PARD3: variants seen among roughly 807,000 people sequenced by gnomAD.
The protein encoded by PARD3 is partitioning defective 3 homolog.
Under a neutral mutation model 155.4 loss-of-function variants are expected in PARD3, and 75 were observed. The observed-to-expected ratio is 0.48, with a 90% CI of 0.40 to 0.58. The LOEUF is 0.58. PARD3 is among the 20% of genes least tolerant of loss of function. The pLI is 0.00. For missense variants in PARD3, 1,642 were observed against 1,721.7 expected (o/e 0.95, Z 0.82); for synonymous variants, 576 against 610.5 (o/e 0.94, Z 0.83).
chr10:34,359,088 A>G, intron 14 of PARD3, 59 bp downstream of exon 14: 1 of 1,391,824 alleles, frequency 7.2e-7, no homozygotes, highest in Non-Finnish European at 1.0e-6. Flanking sequence ...GCCCAAAATT[A>G]GGACAGAAAT....
intron 22 of PARD3, among the ~76,000 whole-genome samples, chr10:34,234,371 A>G (rs1588879866): frequency 1.3e-5 from 2 of 152,290 alleles, no homozygotes; most frequent in East Asian, 3.9e-4. Flanking sequence ...TCCGGAATAA[A>G]ATTTCATATT....
At chr10:34,476,305 G>GC (rs1183256722) in intron 3 of PARD3, among the ~76,000 whole-genome samples, 1 of 152,122 alleles carries the variant, frequency 6.6e-6, no homozygotes, top group African/African-American at 2.4e-5. Context: ...TAAAAACACT[G>GC]CGAGTGTGTG....
chr10:34,374,071 C>T (rs1840972336), intron 11 of PARD3, among the ~76,000 whole-genome samples: 1 of 152,220 alleles, frequency 6.6e-6, no homozygotes, highest in African/African-American at 2.4e-5. Context: ...ATTTAAAATA[C>T]CACTTGTACT....
chr10:34,588,449 A>G (rs1389635352), intron 2 of PARD3, among the ~76,000 whole-genome samples: 1 of 152,174 alleles, frequency 6.6e-6, no homozygotes, highest in Admixed American at 6.5e-5. Context: ...TGCAAATCTG[A>G]AAATTTTAAA....
chr10:34,724,329 T>G (rs1360138449), intron 1 of PARD3, among the ~76,000 whole-genome samples: 1 of 152,176 alleles, frequency 6.6e-6, no homozygotes, highest in Non-Finnish European at 1.5e-5. Context: ...TTTAAAAGCT[T>G]ATACAAGCAC....
intron 1 of PARD3, among the ~76,000 whole-genome samples, chr10:34,714,142 A>C (rs2094485577): frequency 6.6e-6 from 1 of 152,162 alleles, no homozygotes; most frequent in African/African-American, 2.4e-5. Context: ...ATGGCTCTGA[A>C]TCCTAAACAA....
At chr10:34,672,302 T>C (rs776694198) in intron 2 of PARD3, among the ~76,000 whole-genome samples, 1 of 152,158 alleles carries the variant, frequency 6.6e-6, no homozygotes, top group South Asian at 2.1e-4. Flanking sequence ...TAAATTACAG[T>C]GCAGCTGGTT....
intron 4 of PARD3, among the ~76,000 whole-genome samples, chr10:34,458,200 A>AT (rs1564736220): frequency 6.6e-6 from 1 of 151,736 alleles, no homozygotes; most frequent in African/African-American, 2.4e-5. Context: ...TTTTGTTTTA[A>AT]TTTTTTATTT....
rs144057324 is a variant in PARD3, at chr10:34,665,417, G to T, written c.222+30901C>A. Among the ~76,000 whole-genome samples, 1,316 of 152,248 alleles carry T rather than the reference G, an allele frequency of 8.6e-3. 18 individuals are homozygous for T. Among genetic ancestry groups the T allele is most frequent in the African/African-American group, 0.03 (1,256 of 41,528 alleles). On this transcript the variant is annotated intron_variant, in intron 2 of 24. Coordinates refer to ENST00000374788, the MANE Select transcript of PARD3 (RefSeq NM_001184785.2). ...TGCCTGTAATCCCAGCTCCTCAGGA[G>T]GCTGAGGTAGGAGAATCACTTGAAC...
At chr10:34,286,491 G>A (rs1448312335) in intron 20 of PARD3, among the ~76,000 whole-genome samples, 3 of 152,248 alleles carry the variant, frequency 2.0e-5, no homozygotes, top group Admixed American at 6.5e-5. Context: ...ATCTGAGCTA[G>A]AGGGAGCCAG....
intron 2 of PARD3, among the ~76,000 whole-genome samples, chr10:34,525,756 G>A (rs567013561): frequency 2.7e-4 from 41 of 151,412 alleles, no homozygotes; most frequent in African/African-American, 8.5e-4. Context: ...TCTAAGAGGC[G>A]TGAGCCTCTG....
Position 34,111,520 on chromosome 10 carries a change from C to T in PARD3, c.3711G>A (p.Trp1237Ter). The change falls in exon 25 of 25, where the codon TGG (tryptophan) becomes TGA (stop). Residue 1237 changes from tryptophan to a stop codon, truncating the protein, a stop_gained. Transcript: ENST00000374788. LOFTEE classifies it high-confidence loss of function. ...KNASSVSQDS[W>*]EQNYSPGEGF... ...CTTCCCCAGGGGAGTAGTTCTGCTC[C>T]CAAGAGTCCTGGGAGACCGAGCTGG... is the stretch of plus-strand genomic sequence containing the variant. The T allele has an allele frequency of 6.2e-7, 1 of 1,611,398 alleles. No homozygotes were observed. Among genetic ancestry groups the T allele is most frequent in the Non-Finnish European group, 8.5e-7 (1 of 1,178,084 alleles).
chr10:34,365,070 AT>A (rs764389585), intron 12 of PARD3, among the ~76,000 whole-genome samples: 2 of 152,260 alleles, frequency 1.3e-5, no homozygotes, highest in Non-Finnish European at 2.9e-5. Context: ...ATGTAAAAAA[AT>A]GGTACAATAT....
intron 7 of PARD3, among the ~76,000 whole-genome samples, chr10:34,395,482 G>T (rs149242320): frequency 5.9e-5 from 9 of 152,236 alleles, no homozygotes; most frequent in Non-Finnish European, 2.9e-5. Context: ...AACCGTGAAC[G>T]AATATAGATG....
At chr10:34,425,152 A>G (rs1466322769) in intron 5 of PARD3, among the ~76,000 whole-genome samples, 1 of 151,872 alleles carries the variant, frequency 6.6e-6, no homozygotes, top group Non-Finnish European at 1.5e-5. Context: ...GCCTGCATTT[A>G]GAATATTTTT....
At chr10:34,714,468 G>A (rs1024870575) in intron 1 of PARD3, among the ~76,000 whole-genome samples, 5 of 152,262 alleles carry the variant, frequency 3.3e-5, no homozygotes, top group South Asian at 2.1e-4. Context: ...CCCACACTGC[G>A]TGGGGTCCAA....
chr10:34,756,682 A>G (rs1047145424), intron 1 of PARD3, among the ~76,000 whole-genome samples: 2 of 151,540 alleles, frequency 1.3e-5, no homozygotes, highest in Non-Finnish European at 2.9e-5. Context: ...TCAAACTGCT[A>G]GCATCAAGCA....
intron 22 of PARD3, among the ~76,000 whole-genome samples, chr10:34,222,548 G>GA (rs1382827797): frequency 6.6e-6 from 1 of 152,224 alleles, no homozygotes; most frequent in Non-Finnish European, 1.5e-5. Context: ...GCATAACCAG[G>GA]ATAGTAATAA....
rs527692996 is a variant in PARD3, at chr10:34,287,221, C to A, written c.3066-2976G>T. Among the ~76,000 whole-genome samples the A allele has an allele frequency of 2.6e-5, 4 of 152,174 alleles. No individual in the cohort carries two copies. The South Asian group carries it at 8.3e-4, about 32-fold the overall frequency. Reference sequence around the variant, plus strand: ...GTATAAGATGTACAAATCCTAACTTCCAGAAAAGTATAAGTTCAAATTTTA... The same window carrying A: ...GTATAAGATGTACAAATCCTAACTTACAGAAAAGTATAAGTTCAAATTTTA... On this transcript the variant is annotated intron_variant, in intron 20 of 24. Transcript: ENST00000374788.
Sources: allele counts gnomAD v4.1 joint callset (sites outside exome capture counted in the v4.1 genomes callset), GRCh38; gene constraint gnomAD v4.1.1; transcripts MANE v1.5; gene names NCBI Gene and HGNC (gene_info 2026-07-23, HGNC 2026-07-21).